The following DNM3 variants were observed in gnomAD, a reference collection of about 807,000 sequenced individuals.
The protein encoded by DNM3 is dynamin 3, also known as dynamin-3.
A neutral mutation model predicts 101.6 loss-of-function variants in DNM3; 47 were observed. The ratio of observed to expected loss-of-function variants is 0.46; its 90% confidence interval spans 0.37 to 0.59. DNM3 has a LOEUF of 0.59. Among genes scored for constraint, DNM3 ranks in the 20% least tolerant of loss-of-function variants. The pLI, the probability that DNM3 is intolerant of heterozygous loss-of-function variation, is 0.00. For synonymous variants in DNM3, 385 were observed against 387.9 expected (o/e 0.99, Z 0.09); for missense variants, 849 against 1,085.7 (o/e 0.78, Z 3.06).
intron 13 of DNM3, among the ~76,000 whole-genome samples, chr1:172,127,668 C>T (rs146093479): frequency 1.3e-5 from 2 of 152,154 alleles, no homozygotes; most frequent in East Asian, 1.9e-4. Context: ...CTCAGCCTCC[C>T]AAAGTGCTAG....
chr1:172,068,244 C>A lies in DNM3; in HGVS notation c.1336-575C>A, dbSNP rs1205249538. On this transcript the variant is annotated intron_variant, in intron 10 of 20. Coordinates refer to ENST00000627582, the MANE Select transcript of DNM3 (RefSeq NM_015569.5). ...TCGGGAGGCTGAGACAGGAGAATCG[C>A]TTGAACCCAGGAGGCAGAGGTTGCA... is the stretch of plus-strand genomic sequence containing the variant. 2.0e-5 allele frequency among the ~76,000 whole-genome samples: 3 copies of A among 152,110 alleles called. No individual in the cohort carries two copies. In the South Asian group the frequency reaches 6.2e-4, roughly 32 times the overall value.
intron 10 of DNM3, among the ~76,000 whole-genome samples, chr1:172,065,263 G>A (rs866833199): frequency 2.0e-5 from 3 of 152,286 alleles, no homozygotes; most frequent in Admixed American, 6.5e-5. Flanking sequence ...GCTAAATGCT[G>A]TTAAAGCCAT....
chr1:172,172,818 G>T (rs1275327991), intron 14 of DNM3, among the ~76,000 whole-genome samples: 1 of 151,788 alleles, frequency 6.6e-6, no homozygotes, highest in Non-Finnish European at 1.5e-5. Context: ...AGCATGTGTG[G>T]TTGGGAAAAC....
chr1:171,924,568 GC>G (rs1012627097), intron 2 of DNM3, among the ~76,000 whole-genome samples: 1 of 152,118 alleles, frequency 6.6e-6, no homozygotes, highest in Non-Finnish European at 1.5e-5. Flanking sequence ...AAGGGGAGGA[GC>G]CCCTTAAAAC....
rs199641265 is a variant in DNM3 at position 171,871,224 on chromosome 1, G to GC, written c.161+29411dup. Among the ~76,000 whole-genome samples the GC allele has an allele frequency of 5.1e-3, 771 of 152,270 alleles. 10 individuals carry two copies. The highest frequency in any genetic ancestry group is 0.018 in the African/African-American group (738 of 41,546). ...CACCACTCTATACTCAACGCCCAGA[G>GC]CCCCAGGATACAGAGGGTGTTATTT... On this transcript the variant is annotated intron_variant, in intron 1 of 20. Coordinates refer to ENST00000627582, the MANE Select transcript of DNM3 (RefSeq NM_015569.5).
intron 14 of DNM3, among the ~76,000 whole-genome samples, chr1:172,203,758 G>A (rs970940604): frequency 2.0e-5 from 3 of 152,102 alleles, no homozygotes; most frequent in Non-Finnish European, 2.9e-5. Context: ...GTTCTATATG[G>A]GTTGGTACCA....
At chr1:172,400,252 C>T (rs946241963) in intron 20 of DNM3, among the ~76,000 whole-genome samples, 11 of 152,084 alleles carry the variant, frequency 7.2e-5, no homozygotes, top group Admixed American at 6.6e-5. Context: ...GGCAGTTGGC[C>T]TCTCCCTCTC....
At chr1:172,381,957 T>C (rs1251624436) in intron 18 of DNM3, among the ~76,000 whole-genome samples, 1 of 152,164 alleles carries the variant, frequency 6.6e-6, no homozygotes, top group Non-Finnish European at 1.5e-5. Context: ...AAGAATATGT[T>C]TCGGCCTTCT....
chr1:172,223,097 TCTAA>T (rs2060969260), intron 14 of DNM3, among the ~76,000 whole-genome samples: 1 of 151,986 alleles, frequency 6.6e-6, no homozygotes, highest in Admixed American at 6.6e-5. Context: ...TTCAAAATCC[TCTAA>T]CTATTTTTAA....
At chr1:172,109,407 G>A (rs1007487006) in intron 13 of DNM3, among the ~76,000 whole-genome samples, 12 of 152,250 alleles carry the variant, frequency 7.9e-5, no homozygotes, top group African/African-American at 2.2e-4. Flanking sequence ...ATTTTCAAAT[G>A]CCTGGTCGCA....
chr1:172,220,488 G>T (rs971299635), intron 14 of DNM3, among the ~76,000 whole-genome samples: 4 of 152,180 alleles, frequency 2.6e-5, no homozygotes, highest in African/African-American at 4.8e-5. Flanking sequence ...GAGTGCACAT[G>T]GGGGAGGCAG....
intron 2 of DNM3, among the ~76,000 whole-genome samples, chr1:171,930,252 C>G (rs559447856): frequency 6.6e-6 from 1 of 152,328 alleles, no homozygotes; most frequent in East Asian, 1.9e-4. Context: ...CCGCAGAGCT[C>G]TATCCAGGGA....
chr1:172,063,200 G>A (rs1245013447), intron 10 of DNM3, among the ~76,000 whole-genome samples: 3 of 152,148 alleles, frequency 2.0e-5, no homozygotes, highest in African/African-American at 7.2e-5. Flanking sequence ...TCCAGTCTTT[G>A]CTAGAGGCAT....
intron 13 of DNM3, among the ~76,000 whole-genome samples, chr1:172,099,547 T>C (rs2054488124): frequency 6.7e-6 from 1 of 149,570 alleles, no homozygotes; most frequent in Non-Finnish European, 1.5e-5. Flanking sequence ...AATAGAAAAA[T>C]ATACTCTGAG....
intron 4 of DNM3, among the ~76,000 whole-genome samples, chr1:172,028,181 C>T (rs1355204797): frequency 6.6e-6 from 1 of 152,176 alleles, no homozygotes; most frequent in Non-Finnish European, 1.5e-5. Context: ...AAACACTCCT[C>T]AGCAAATGCA....
chr1:171,991,406 A>G (rs978560026), intron 4 of DNM3, among the ~76,000 whole-genome samples: 1 of 152,070 alleles, frequency 6.6e-6, no homozygotes, highest in Non-Finnish European at 1.5e-5. Context: ...GTGTTCTATT[A>G]ATTTGCTAGA....
chr1:171,929,347 C>T (rs2040825235), intron 2 of DNM3, among the ~76,000 whole-genome samples: 1 of 152,200 alleles, frequency 6.6e-6, no homozygotes, highest in South Asian at 2.1e-4. Context: ...GGATTGCGGA[C>T]ACATTTTAAA....
intron 17 of DNM3, chr1:172,376,345 T>C (rs2068600178): frequency 1.3e-5 from 2 of 152,246 alleles, no homozygotes; most frequent in Non-Finnish European, 1.5e-5. Context: ...GACAAATTAC[T>C]ATTTTTATTT....
intron 2 of DNM3, among the ~76,000 whole-genome samples, chr1:171,985,509 C>T (rs2045184398): frequency 6.6e-6 from 1 of 152,176 alleles, no homozygotes; most frequent in African/African-American, 2.4e-5. Context: ...CTCTTCAGGC[C>T]AGATTTCTGC....
Sources: gnomAD v4.1 joint callset for allele counts (sites outside exome capture counted in the v4.1 genomes callset) on GRCh38, gnomAD v4.1.1 for gene constraint, MANE v1.5 for transcripts, NCBI Gene and HGNC (gene_info 2026-07-23, HGNC 2026-07-21) for gene names.